Variants in PRDM10 observed in about 807,000 individuals in gnomAD.
PRDM10 encodes PR domain zinc finger protein 10.
Under a neutral mutation model 133.1 loss-of-function variants are expected in PRDM10, and 65 were observed. The ratio of observed to expected loss-of-function variants is 0.49; its 90% CI spans 0.40 to 0.60. PRDM10 has a LOEUF of 0.60. PRDM10 is among the 20% of genes least tolerant of loss of function. PRDM10 has a pLI of 0.00. For synonymous variants in PRDM10, 582 were observed against 580.4 expected, an observed-to-expected ratio of 1.00 and a Z score of -0.04; for missense variants, 1,137 against 1,507.1, an observed-to-expected ratio of 0.75 and a Z score of 4.07.
chr11:129,912,194 G>C lies in PRDM10; in HGVS notation c.2873C>G (p.Thr958Ser). ...ATSPHQSQQS[T>S]VDVGQLHDPQ... ...ATCATGGAGCTGGCCAACATCCACA[G>C]TGGACTGCTGTGACTGGTGAGGGGA... is the stretch of plus-strand genomic sequence containing the variant. The change falls in exon 18 of 21, where the codon ACT (threonine) becomes AGT (serine). Residue 958 changes from threonine to serine, a missense_variant. Transcript: ENST00000360871. The C allele has an allele frequency of 6.2e-7, 1 of 1,607,336 alleles. No individual in the cohort carries two copies. The highest frequency in any genetic ancestry group is 1.1e-5 in the South Asian group (1 of 90,494).
Position 129,917,255 on chromosome 11 carries a change from A to C in PRDM10, c.2215-18T>G, listed in dbSNP as rs951473684. On this transcript the variant is annotated intron_variant, in intron 14 of 20. Coordinates refer to ENST00000360871, the MANE Select transcript of PRDM10 (RefSeq NM_199437.2). Reference sequence around the variant, plus strand: ...TGATTTACCTAAAGGGAAAAGAAAGAACCAATGAGAAAAAGAGACCCCATT... The same window carrying C: ...TGATTTACCTAAAGGGAAAAGAAAGCACCAATGAGAAAAAGAGACCCCATT... 1.9e-6 allele frequency: 3 copies of C among 1,574,192 alleles called. No homozygotes were observed. The highest frequency in any genetic ancestry group is 2.6e-6 in the Non-Finnish European group (3 of 1,147,388).
At position 129,957,843 on chromosome 11, in the gene PRDM10, G is replaced by A. The variant is rs201927504; in HGVS notation, c.137C>T (p.Pro46Leu). The A allele has an allele frequency of 1.1e-5, 17 of 1,613,962 alleles. No homozygotes were observed. Among genetic ancestry groups the A allele is most frequent in the Middle Eastern group, 1.6e-4 (1 of 6,084 alleles). The change falls in exon 3 of 21, where the codon CCA (proline) becomes CTA (leucine). Residue 46 changes from proline to leucine, a missense_variant. By Grantham distance (98) the Pro-to-Leu change is moderately conservative (BLOSUM62 -3). Coordinates refer to ENST00000360871, the MANE Select transcript of PRDM10 (RefSeq NM_199437.2). ...ATCTGCCGTGTACACCACCTGCTGT[G>A]GGGGGCGAACCTGGTCATCGGTATA... is the stretch of plus-strand genomic sequence containing the variant. Reference protein sequence around the residue: ...IVYTDDQVRPPQQVVYTADGA... With the variant: ...IVYTDDQVRPLQQVVYTADGA...
chr11:130,000,371 G>A (rs973461546), intron 1 of PRDM10, among the ~76,000 whole-genome samples: 19 of 151,996 alleles, frequency 1.3e-4, no homozygotes, highest in African/African-American at 4.6e-4. Context: ...CAATGATCAC[G>A]CATTATTCTT....
rs1164148231 is a variant in PRDM10 at position 129,923,945 on chromosome 11, C to T, written c.1879-542G>A. On this transcript the variant is annotated intron_variant, in intron 12 of 20. Coordinates refer to ENST00000360871, the MANE Select transcript of PRDM10 (RefSeq NM_199437.2). This position sits in a 1 kb window ranked among gnomAD's most constrained non-coding sequence, Gnocchi z 4.4. ...AATGAGTGGATACAGAAGACATTAC[C>T]GGTTTGTGAGAGCAATATGACGCTG... Among the ~76,000 whole-genome samples, 2 of 152,324 alleles carry T rather than the reference C, an allele frequency of 1.3e-5. No individual in the cohort carries two copies. The highest frequency in any genetic ancestry group is 2.1e-4 in the South Asian group (1 of 4,828).
At chr11:129,930,337 C>G (rs563621149) in intron 11 of PRDM10, among the ~76,000 whole-genome samples, 1 of 152,204 alleles carries the variant, frequency 6.6e-6, no homozygotes, top group Non-Finnish European at 1.5e-5. Flanking sequence ...GTTTTCCACA[C>G]GAATCCCCTG....
chr11:129,931,089 T>G lies in PRDM10; in HGVS notation c.1457A>C (p.Gln486Pro). ...PETHTLHLQP[Q>P]HEESVVPTQS... ...GGTGGGCACCACGCTCTCTTCATGCTGCGGCTGCAGGTGCAGGGTGTGAGT... is the reference window on the plus strand; with the variant it reads ...GGTGGGCACCACGCTCTCTTCATGCGGCGGCTGCAGGTGCAGGGTGTGAGT... Residue 486 changes from glutamine to proline, a missense_variant, in exon 11 of 21, where the codon CAG becomes CCG. Coordinates refer to ENST00000360871, the MANE Select transcript of PRDM10 (RefSeq NM_199437.2). 3 of 1,614,190 alleles carry G rather than the reference T, an allele frequency of 1.9e-6. No homozygotes were observed. The highest frequency in any genetic ancestry group is 2.5e-6 in the Non-Finnish European group (3 of 1,180,022).
At chr11:129,959,525 C>A (rs1374432597) in intron 2 of PRDM10, among the ~76,000 whole-genome samples, 1 of 152,220 alleles carries the variant, frequency 6.6e-6, no homozygotes, top group East Asian at 1.9e-4. Context: ...GGAAGGAGTG[C>A]CACAGGGACC....
chr11:129,970,557 T>TC (rs1951997814), intron 1 of PRDM10, among the ~76,000 whole-genome samples: 1 of 151,924 alleles, frequency 6.6e-6, no homozygotes, highest in Admixed American at 6.6e-5. Context: ...TTTTTTTTTT[T>TC]TTTCTCGAGA....
At chr11:129,974,651 C>A (rs924953730) in intron 1 of PRDM10, among the ~76,000 whole-genome samples, 17 of 152,178 alleles carry the variant, frequency 1.1e-4, no homozygotes, top group African/African-American at 3.9e-4. Context: ...ATCCACTCCA[C>A]AGTTACATCT....
intron 12 of PRDM10, among the ~76,000 whole-genome samples, chr11:129,924,311 GACTAGCACAGGAAA>G (rs1387455227): frequency 6.6e-6 from 1 of 152,196 alleles, no homozygotes; most frequent in Non-Finnish European, 1.5e-5. Context: ...GTTATTCACT[GACTAGCACAGGAAA>G]ATCTTATCAC....
intron 1 of PRDM10, among the ~76,000 whole-genome samples, chr11:130,000,875 G>A (rs1182210561): frequency 1.3e-5 from 2 of 152,190 alleles, no homozygotes; most frequent in African/African-American, 2.4e-5. Flanking sequence ...GGGATGCTGC[G>A]GCGGTAGGAT....
At chr11:129,985,810 ATATATATAT>A (rs1484651690) in intron 1 of PRDM10, among the ~76,000 whole-genome samples, 2 of 59,348 alleles carry the variant, frequency 3.4e-5, no homozygotes, top group African/African-American at 1.9e-4. Context: ...AAAAAAAAAA[ATATATATAT>A]ATATATATAT....
intron 18 of PRDM10, among the ~76,000 whole-genome samples, chr11:129,911,601 C>T (rs552278790): frequency 1.8e-4 from 28 of 152,338 alleles, no homozygotes; most frequent in Middle Eastern, 6.8e-3. Flanking sequence ...CCTTCCCCAA[C>T]GACTATGTCA....
At chr11:129,911,463 C>T (rs907303181) in intron 18 of PRDM10, among the ~76,000 whole-genome samples, 6 of 152,232 alleles carry the variant, frequency 3.9e-5, no homozygotes, top group African/African-American at 1.2e-4. Flanking sequence ...ACACTGCAAT[C>T]CTGCTCCAAA....
At chr11:129,929,310 T>C in intron 11 of PRDM10, 1 of 1,152,682 alleles carries the variant, frequency 8.7e-7, no homozygotes. Context: ...GCAACCAAAC[T>C]GTGGTTTCCA....
intron 3 of PRDM10, among the ~76,000 whole-genome samples, chr11:129,956,517 T>C (rs373080265): frequency 3.3e-5 from 5 of 152,238 alleles, no homozygotes; most frequent in African/African-American, 9.6e-5. Flanking sequence ...TGAGCTGAGA[T>C]TGTGCCACTG....
chr11:129,922,796 C>T (rs543960802), intron 13 of PRDM10, among the ~76,000 whole-genome samples: 128 of 152,296 alleles, frequency 8.4e-4, no homozygotes, highest in African/African-American at 2.8e-3. Context: ...CATTAACATT[C>T]TCCAAAGTAG....
chr11:129,909,489 C>T (rs892580178), intron 19 of PRDM10, among the ~76,000 whole-genome samples: 10 of 151,772 alleles, frequency 6.6e-5, no homozygotes, highest in Non-Finnish European at 1.0e-4. Flanking sequence ...AATAACTAGA[C>T]GGTAGAGTTT....
chr11:129,918,747 G>A lies in PRDM10; in HGVS notation c.2035-29C>T. 1 of 1,571,620 alleles carries A rather than the reference G, an allele frequency of 6.4e-7. No individual in the cohort carries two copies. ...TTTGGAGAGTATTTTTGAAAACGGG[G>A]TAGACACGGGGGTAGAAAATTTTTA... On this transcript the variant is annotated intron_variant, in intron 13 of 20. Transcript: ENST00000360871. The surrounding 1 kb of genome is among the most constrained non-coding windows in gnomAD (Gnocchi z 5.3).
Sources: allele counts gnomAD v4.1 joint callset (sites outside exome capture counted in the v4.1 genomes callset), GRCh38; gene constraint gnomAD v4.1.1; non-coding constraint Gnocchi (gnomAD v3.1); transcripts MANE v1.5; gene names NCBI Gene and HGNC (gene_info 2026-07-23, HGNC 2026-07-21).